The following CEP85L variants were observed in gnomAD, a reference collection of about 807,000 sequenced individuals.
CEP85L encodes centrosomal protein of 85 kDa-like.
A neutral mutation model predicts 100.3 loss-of-function variants in CEP85L; 60 were observed. That is an observed-to-expected ratio of 0.60 (90% CI 0.49 to 0.74). The LOEUF (loss-of-function observed/expected upper bound fraction) is 0.74, where lower values mean the gene tolerates loss of function less well. Among genes scored for constraint, CEP85L ranks in the 30% least tolerant of loss-of-function variants. The pLI, the probability that CEP85L is intolerant of heterozygous loss-of-function variation, is 0.00. For synonymous variants in CEP85L, 319 were observed against 322.7 expected, an observed-to-expected ratio of 0.99 and a Z score of 0.12; for missense variants, 973 against 936.2, an observed-to-expected ratio of 1.04 and a Z score of -0.51.
chr6:118,647,920 AG>A (rs1336250308), intron 1 of CEP85L, among the ~76,000 whole-genome samples: 1 of 152,242 alleles, frequency 6.6e-6, no homozygotes, highest in African/African-American at 2.4e-5. Flanking sequence ...AATACAAAAA[AG>A]AGAGGCTTTT....
intron 5 of CEP85L, among the ~76,000 whole-genome samples, chr6:118,503,831 C>CAAAAAAAAAAAAAAAAAAAAA (rs71012390): frequency 1.6e-5 from 2 of 127,018 alleles, no homozygotes; most frequent in Non-Finnish European, 3.2e-5. Context: ...TATAAAACTC[C>CAAAAAAAAAAAAAAAAAAAAA]AAAAAAAAAA....
At chr6:118,606,294 G>A (rs1464908239) in intron 2 of CEP85L, among the ~76,000 whole-genome samples, 1 of 152,146 alleles carries the variant, frequency 6.6e-6, no homozygotes, top group Non-Finnish European at 1.5e-5. Flanking sequence ...CAAAGGTGCT[G>A]AGAGAAAGGA....
At chr6:118,672,155 G>T (rs1424026183) in intron 1 of CEP85L, among the ~76,000 whole-genome samples, 1 of 152,022 alleles carries the variant, frequency 6.6e-6, no homozygotes, top group East Asian at 1.9e-4. Context: ...TCCTGCCTCA[G>T]CCTCCTGAGT....
chr6:118,581,762 C>T (rs942144836), intron 2 of CEP85L, among the ~76,000 whole-genome samples: 1 of 152,112 alleles, frequency 6.6e-6, no homozygotes, highest in Non-Finnish European at 1.5e-5. Flanking sequence ...ATGCACTCCT[C>T]TGGAATGTAT....
At chr6:118,676,361 G>T (rs1776482813) in intron 1 of CEP85L, among the ~76,000 whole-genome samples, 1 of 152,026 alleles carries the variant, frequency 6.6e-6, no homozygotes, top group Non-Finnish European at 1.5e-5. Flanking sequence ...TCTAGCCGTT[G>T]GTAAGCACCG....
At chr6:118,651,606 G>T (rs979005752), upstream of CEP85L, 8 of 1,063,380 alleles carry the variant, frequency 7.5e-6, no homozygotes, top group Non-Finnish European at 9.1e-6. Context: ...CCCCTCCGCC[G>T]GCAGAGCCAG....
At chr6:118,613,440 TA>T (rs1772790582) in intron 2 of CEP85L, among the ~76,000 whole-genome samples, 1 of 152,282 alleles carries the variant, frequency 6.6e-6, no homozygotes, top group East Asian at 1.9e-4. Context: ...TTCATAATTT[TA>T]AAATTTCAAA....
At chr6:118,489,662 G>C (rs1461176030) in intron 6 of CEP85L, among the ~76,000 whole-genome samples, 1 of 152,166 alleles carries the variant, frequency 6.6e-6, no homozygotes, top group African/African-American at 2.4e-5. Context: ...TGGCAAGGAT[G>C]TGGAGAAAGG....
At chr6:118,626,772 C>T (rs890368900) in intron 2 of CEP85L, among the ~76,000 whole-genome samples, 3 of 152,166 alleles carry the variant, frequency 2.0e-5, no homozygotes, top group Non-Finnish European at 2.9e-5. Context: ...AATTCTTTGG[C>T]GTGGCTAGGC....
At chr6:118,646,962 T>C (rs1019087720) in intron 1 of CEP85L, 62 of 985,292 alleles carry the variant, frequency 6.3e-5, no homozygotes, top group African/African-American at 8.7e-5. Context: ...CAGGAAGTGA[T>C]CAAATTCCAA....
At chr6:118,557,413 A>G (rs916460462) in intron 3 of CEP85L, among the ~76,000 whole-genome samples, 1 of 152,226 alleles carries the variant, frequency 6.6e-6, no homozygotes, top group Non-Finnish European at 1.5e-5. Context: ...AACCAAATAC[A>G]GCAGGTCCTC....
chr6:118,466,405 G>A (rs373300133), intron 12 of CEP85L, among the ~76,000 whole-genome samples: 26 of 152,230 alleles, frequency 1.7e-4, no homozygotes, highest in African/African-American at 6.0e-4. Flanking sequence ...CAGACACAGT[G>A]GCTTGTTCTC....
At chr6:118,645,360 C>A (rs1020403454) in intron 1 of CEP85L, among the ~76,000 whole-genome samples, 2 of 152,188 alleles carry the variant, frequency 1.3e-5, no homozygotes, top group African/African-American at 4.8e-5. Context: ...TGTTTACTTA[C>A]TGATCCTCCC....
rs1328818476 is a variant in CEP85L, at chr6:118,612,685, G to C, written c.232+19768C>G. ...CAAAAAAAAAAAAAAGCGGGGGGGGGGGGGGGGGACTCTCAAATCAGTAAT... is the reference window on the plus strand; with the variant it reads ...CAAAAAAAAAAAAAAGCGGGGGGGGCGGGGGGGGACTCTCAAATCAGTAAT... On this transcript the variant is annotated intron_variant, in intron 2 of 12. Coordinates refer to ENST00000368491, the MANE Select transcript of CEP85L (RefSeq NM_001042475.3). Among the ~76,000 whole-genome samples, 8 of 42,182 alleles carry C rather than the reference G, an allele frequency of 1.9e-4. 1 individual carries two copies. Among genetic ancestry groups the C allele is most frequent in the African/African-American group, 7.9e-4 (7 of 8,828 alleles). The allele number at this position is 42,182 out of a possible 152,430, so 27.7% of individuals were successfully genotyped here.
chr6:118,463,211 G>GT lies in CEP85L; in HGVS notation c.*2193dup, dbSNP rs1173147118. ...CCCAACTAAGCCAAAAAACAAAAACGTATCTATAGTAGATTAAAACAAACT... is the reference window on the plus strand; with the variant it reads ...CCCAACTAAGCCAAAAAACAAAAACGTTATCTATAGTAGATTAAAACAAACT... On this transcript the variant is annotated 3_prime_UTR_variant, in exon 13 of 13. Transcript: ENST00000368491. The GT allele has an allele frequency of 2.0e-5, 3 of 151,218 alleles. No individual in the cohort carries two copies. The highest frequency in any genetic ancestry group is 4.4e-5 in the Non-Finnish European group (3 of 67,744). The allele number at this position is 151,218 out of a possible 1,614,324, so 9.4% of individuals were successfully genotyped here.
At chr6:118,526,371 G>T (rs1395470792) in intron 3 of CEP85L, among the ~76,000 whole-genome samples, 1 of 152,204 alleles carries the variant, frequency 6.6e-6, no homozygotes, top group Non-Finnish European at 1.5e-5. Context: ...CCCAGCACAA[G>T]TGACCTTCAG....
intron 3 of CEP85L, among the ~76,000 whole-genome samples, chr6:118,535,311 A>AGAATCAGATATAT: frequency 6.6e-6 from 1 of 152,328 alleles, no homozygotes; most frequent in Admixed American, 6.5e-5. Flanking sequence ...CTGATTCTAT[A>AGAATCAGATATAT]CATAGGGCTT....
chr6:118,618,632 T>C (rs1393392308), intron 2 of CEP85L, among the ~76,000 whole-genome samples: 1 of 152,180 alleles, frequency 6.6e-6, no homozygotes, highest in Non-Finnish European at 1.5e-5. Flanking sequence ...AAAGAAAATA[T>C]AGTCAATTGA....
chr6:118,501,676 G>C, intron 5 of CEP85L: 1 of 661,838 alleles, frequency 1.5e-6, no homozygotes, highest in Non-Finnish European at 2.8e-6. Context: ...TACACTCAGA[G>C]ATGAAAATTT....
Sources: allele counts gnomAD v4.1 joint callset (sites outside exome capture counted in the v4.1 genomes callset), GRCh38; gene constraint gnomAD v4.1.1; transcripts MANE v1.5; gene names NCBI Gene and HGNC (gene_info 2026-07-23, HGNC 2026-07-21).